EBF1: variants seen among roughly 807,000 people sequenced by gnomAD.
The protein encoded by EBF1 is EBF transcription factor 1, also known as transcription factor COE1.
In EBF1, 10 loss-of-function variants were observed where a neutral mutation model predicts 68.4. That is an observed-to-expected ratio of 0.15 (90% CI 0.09 to 0.25). The LOEUF (loss-of-function observed/expected upper bound fraction) is 0.25. EBF1 is among the 10% of genes least tolerant of loss of function. EBF1 has a pLI of 1.00. For missense variants in EBF1, 509 were observed against 794.4 expected, an observed-to-expected ratio of 0.64 and a Z score of 4.32; for synonymous variants, 298 against 299.8, an observed-to-expected ratio of 0.99 and a Z score of 0.06.
At chr5:158,983,448 A>T (rs920298511) in intron 6 of EBF1, 1 of 152,178 alleles carries the variant, frequency 6.6e-6, no homozygotes, top group Non-Finnish European at 1.5e-5. Context: ...ATATTGGTGG[A>T]ATGTTGTCTA....
At position 158,712,193 on chromosome 5, in the gene EBF1, T is replaced by C. The variant is rs776525933; in HGVS notation, c.1510A>G (p.Thr504Ala). Residue 504 changes from threonine to alanine, a missense_variant, in exon 14 of 16, where the codon ACC becomes GCC. Physicochemically the swap from Thr to Ala is moderately conservative, Grantham distance 58. Transcript: ENST00000313708. ...AAMSNLGGSP[T>A]FLNGSAANSP... The stretch of plus-strand genomic sequence containing the variant: ...TTGGCAGCTGAGCCGTTGAGGAAGG[T>C]GGGGGAGCCGCCCAAATTGGACATT... The C allele has an allele frequency of 4.3e-6, 7 of 1,613,470 alleles. No individual in the cohort carries two copies. The South Asian group carries it at 6.6e-5, about 15-fold the overall frequency.
At chr5:159,084,347 A>G (rs1780263021) in intron 5 of EBF1, among the ~76,000 whole-genome samples, 1 of 152,200 alleles carries the variant, frequency 6.6e-6, no homozygotes, top group Non-Finnish European at 1.5e-5. Context: ...GAGCGCATAT[A>G]TTAACACTAA....
At chr5:158,959,481 G>A (rs886861498) in intron 6 of EBF1, among the ~76,000 whole-genome samples, 1 of 151,846 alleles carries the variant, frequency 6.6e-6, no homozygotes, top group Admixed American at 6.6e-5. Flanking sequence ...TAGTAGAGAT[G>A]GGGTTTCACC....
At chr5:158,919,536 C>T (rs1807942616) in intron 6 of EBF1, among the ~76,000 whole-genome samples, 1 of 152,106 alleles carries the variant, frequency 6.6e-6, no homozygotes, top group Non-Finnish European at 1.5e-5. Flanking sequence ...TGAGAAGTTA[C>T]AAATCATCAA....
chr5:158,817,502 C>T (rs982985201), intron 8 of EBF1, among the ~76,000 whole-genome samples: 1 of 152,140 alleles, frequency 6.6e-6, no homozygotes, highest in Non-Finnish European at 1.5e-5. Flanking sequence ...TAGGATGATG[C>T]AGCCTGGAAG....
intron 6 of EBF1, among the ~76,000 whole-genome samples, chr5:158,957,305 C>A (rs1222888094): frequency 1.3e-5 from 2 of 152,044 alleles, no homozygotes; most frequent in Admixed American, 6.6e-5. Context: ...GTCATGGATG[C>A]AAGAAAATAC....
intron 10 of EBF1, among the ~76,000 whole-genome samples, chr5:158,774,516 AT>A (rs1328251037): frequency 6.6e-6 from 1 of 152,076 alleles, no homozygotes; most frequent in East Asian, 1.9e-4. Flanking sequence ...TCACTAACAA[AT>A]AAGAGGGTTA....
intron 6 of EBF1, among the ~76,000 whole-genome samples, chr5:158,881,777 C>A (rs534174838): frequency 6.6e-6 from 1 of 152,256 alleles, no homozygotes; most frequent in Admixed American, 6.5e-5. Context: ...TGTCTGCTTC[C>A]AGCAGCAAAT....
intron 6 of EBF1, among the ~76,000 whole-genome samples, chr5:159,013,742 A>G (rs545485202): frequency 6.6e-6 from 1 of 152,252 alleles, no homozygotes; most frequent in South Asian, 2.1e-4. Context: ...CGGCTGTACT[A>G]ACACCTTGAG....
chr5:159,014,649 T>A (rs1347709563), intron 6 of EBF1, among the ~76,000 whole-genome samples: 3 of 152,226 alleles, frequency 2.0e-5, no homozygotes, highest in Admixed American at 1.3e-4. Flanking sequence ...ACATCCTCAA[T>A]GTTTATTTGA....
At chr5:158,900,746 C>G (rs1013990197) in intron 6 of EBF1, among the ~76,000 whole-genome samples, 32 of 152,212 alleles carry the variant, frequency 2.1e-4, no homozygotes, top group African/African-American at 7.7e-4. Context: ...ACACTAGGTA[C>G]TTTACAAGCC....
At chr5:158,705,875 C>A (rs55915433) in intron 15 of EBF1, among the ~76,000 whole-genome samples, 1 of 152,184 alleles carries the variant, frequency 6.6e-6, no homozygotes. Flanking sequence ...CAGTGCTTCC[C>A]GTCAACTGCT....
chr5:159,075,245 C>T (rs1165526169), intron 5 of EBF1, among the ~76,000 whole-genome samples: 1 of 152,106 alleles, frequency 6.6e-6, no homozygotes, highest in Non-Finnish European at 1.5e-5. Context: ...ACTAGCCTCA[C>T]TAAAGCCACA....
chr5:158,874,033 G>A (rs960837002), intron 6 of EBF1, among the ~76,000 whole-genome samples: 3 of 152,156 alleles, frequency 2.0e-5, no homozygotes, highest in African/African-American at 7.2e-5. Context: ...AGGAGATGGA[G>A]GATTGTTTGT....
chr5:158,821,194 A>T (rs1784754369), intron 8 of EBF1, among the ~76,000 whole-genome samples: 1 of 152,102 alleles, frequency 6.6e-6, no homozygotes, highest in Non-Finnish European at 1.5e-5. Context: ...TTTAACAAGG[A>T]GGAAATCAAG....
intron 6 of EBF1, among the ~76,000 whole-genome samples, chr5:158,865,956 G>C (rs539688978): frequency 6.6e-6 from 1 of 152,344 alleles, no homozygotes; most frequent in African/African-American, 2.4e-5. Context: ...ACTAGTAAGA[G>C]TGGAGAAAGG....
chr5:159,060,167 C>T (rs898035822), intron 6 of EBF1, among the ~76,000 whole-genome samples: 2 of 152,088 alleles, frequency 1.3e-5, no homozygotes, highest in African/African-American at 4.8e-5. Context: ...TTTACCCAAA[C>T]CATACTTCAA....
chr5:158,877,700 G>GCACA (rs3035127), intron 6 of EBF1, among the ~76,000 whole-genome samples: 2,776 of 150,734 alleles, frequency 0.018, 28 homozygotes, highest in African/African-American at 0.037. Flanking sequence ...TACTACAAAC[G>GCACA]CACACACACA....
chr5:158,948,387 A>C (rs1246249302), intron 6 of EBF1, among the ~76,000 whole-genome samples: 2 of 151,312 alleles, frequency 1.3e-5, no homozygotes, highest in Non-Finnish European at 2.9e-5. Context: ...TAAAAAAAAA[A>C]ACCACTGTAG....
Sources: gnomAD v4.1 joint callset for allele counts (sites outside exome capture counted in the v4.1 genomes callset) on GRCh38, gnomAD v4.1.1 for gene constraint, MANE v1.5 for transcripts, NCBI Gene and HGNC (gene_info 2026-07-23, HGNC 2026-07-21) for gene names.